Variants in ADAMTS16 observed in about 807,000 individuals in gnomAD.
ADAMTS16 encodes the protein A disintegrin and metalloproteinase with thrombospondin motifs 16.
In ADAMTS16, 94 loss-of-function variants were observed where a neutral mutation model predicts 145.8. The ratio of observed to expected loss-of-function variants is 0.64; its 90% CI spans 0.55 to 0.77. ADAMTS16 has a LOEUF of 0.77. Ranked by LOEUF, ADAMTS16 falls within the 30% of genes least tolerant of loss-of-function variation. The probability of loss-of-function intolerance (pLI) is 0.00; values close to 1 mark genes in which losing one functional copy is unlikely to be tolerated. For missense variants in ADAMTS16, 1,585 were observed against 1,591.5 expected, an observed-to-expected ratio of 1.00 and a Z score of 0.07; for synonymous variants, 659 against 604.3, an observed-to-expected ratio of 1.09 and a Z score of -1.33.
chr5:5,164,627 C>G (rs569441299), intron 3 of ADAMTS16, among the ~76,000 whole-genome samples: 1 of 152,280 alleles, frequency 6.6e-6, no homozygotes, highest in South Asian at 2.1e-4. Flanking sequence ...CTGGGCTCAC[C>G]GTGTCCTGGT....
Position 5,239,783 on chromosome 5 carries a change from G to A in ADAMTS16, c.2381G>A (p.Arg794Lys), listed in dbSNP as rs747015117. The A allele has an allele frequency of 6.2e-7, 1 of 1,614,144 alleles. No individual in the cohort carries two copies. The highest frequency in any genetic ancestry group is 1.7e-5 in the Admixed American group (1 of 60,012). ...SYISVRNALR[R>K]YYLNGHWTVD... Reference sequence around the variant, plus strand: ...ATTTCTGTGCGCAATGCCCTCAGAAGGTACTACCTGAATGGGCACTGGACC... The same window carrying A: ...ATTTCTGTGCGCAATGCCCTCAGAAAGTACTACCTGAATGGGCACTGGACC... Residue 794 changes from arginine (R) to lysine (K), a missense_variant, in exon 16 of 23, where the codon AGG becomes AAG. Physicochemically the swap from Arg to Lys is conservative, Grantham distance 26. Coordinates refer to ENST00000274181, the MANE Select transcript of ADAMTS16 (RefSeq NM_139056.4).
chr5:5,263,969 G>T (rs763297323), intron 18 of ADAMTS16, among the ~76,000 whole-genome samples: 1 of 152,154 alleles, frequency 6.6e-6, no homozygotes, highest in Non-Finnish European at 1.5e-5. Flanking sequence ...ATAGCTCTCA[G>T]CAGAGAGGGT....
At position 5,278,291 on chromosome 5, in the gene ADAMTS16, T is replaced by C. The variant is rs181081392; in HGVS notation, c.2789+15508T>C. On this transcript the variant is annotated intron_variant, in intron 18 of 22. Coordinates refer to ENST00000274181, the MANE Select transcript of ADAMTS16 (RefSeq NM_139056.4). ...TGATATTTGGAAATAACATGCATGA[T>C]AGCCGGTTTCTATTTATTGATTTTA... Among the ~76,000 whole-genome samples the C allele has an allele frequency of 6.6e-5, 10 of 152,324 alleles. No individual in the cohort carries two copies. In the East Asian group the frequency reaches 1.7e-3, roughly 26 times the overall value.
At chr5:5,231,770 A>G (rs1269291876) in intron 11 of ADAMTS16, among the ~76,000 whole-genome samples, 1 of 152,246 alleles carries the variant, frequency 6.6e-6, no homozygotes, top group Non-Finnish European at 1.5e-5. Flanking sequence ...GGGAAGAGAT[A>G]GCATCTCCAG....
At position 5,303,631 on chromosome 5, in the gene ADAMTS16, C is replaced by G; in HGVS notation, c.3051C>G (p.Asn1017Lys). 1 of 1,614,144 alleles carries G rather than the reference C, an allele frequency of 6.2e-7. No homozygotes were observed. The highest frequency in any genetic ancestry group is 8.5e-7 in the Non-Finnish European group (1 of 1,180,040). The change falls in exon 20 of 23, where the codon AAC becomes AAG. Residue 1017 changes from asparagine to lysine, a missense_variant. Physicochemically the swap from Asn to Lys is moderately conservative, Grantham distance 94. Coordinates refer to ENST00000274181, the MANE Select transcript of ADAMTS16 (RefSeq NM_139056.4). ...GGGCAGTGGCCTGTAAGAGCACCAACCCCTCGGCCAGAGCGCAGCTGCTGC... is the reference window on the plus strand; with the variant it reads ...GGGCAGTGGCCTGTAAGAGCACCAAGCCCTCGGCCAGAGCGCAGCTGCTGC... ...RKRAVACKST[N>K]PSARAQLLPD...
chr5:5,318,477 T>C (rs1312216284), intron 22 of ADAMTS16, among the ~76,000 whole-genome samples, 196 bp downstream of exon 22: 4 of 152,292 alleles, frequency 2.6e-5, no homozygotes, highest in East Asian at 1.9e-4. Context: ...CAGGACAACA[T>C]AGATGGTAGT....
intron 17 of ADAMTS16, among the ~76,000 whole-genome samples, chr5:5,261,709 C>T (rs895707624): frequency 6.6e-6 from 1 of 152,136 alleles, no homozygotes; most frequent in African/African-American, 2.4e-5. Context: ...TGGCCTCAAT[C>T]CCCTGACCTC....
At position 5,192,822 on chromosome 5, in the gene ADAMTS16, T is replaced by C. The variant is rs368937627; in HGVS notation, c.1313+1032T>C. ...AATAATTCTGTGAGCTGCTTTACCT[T>C]GAAGTATCGTCTGTTAAATAAAAAA... On this transcript the variant is annotated intron_variant, in intron 8 of 22. Transcript: ENST00000274181. 7.7e-4 allele frequency among the ~76,000 whole-genome samples: 118 copies of C among 152,326 alleles called. 1 individual carries two copies. The highest frequency in any genetic ancestry group is 2.7e-3 in the African/African-American group (113 of 41,570).
intron 17 of ADAMTS16, among the ~76,000 whole-genome samples, chr5:5,243,932 C>T (rs1737367247): frequency 6.6e-6 from 1 of 152,182 alleles, no homozygotes; most frequent in Non-Finnish European, 1.5e-5. Flanking sequence ...TGGGGGAAAT[C>T]AACCCAAAAT....
intron 17 of ADAMTS16, among the ~76,000 whole-genome samples, chr5:5,248,145 G>A (rs71596746): frequency 0.03 from 4,623 of 152,272 alleles, 98 homozygotes; most frequent in East Asian, 0.076. Context: ...TACAGAATTC[G>A]TTTGATTTTT....
At chr5:5,181,737 T>C (rs1335301666) in intron 3 of ADAMTS16, among the ~76,000 whole-genome samples, 4 of 152,210 alleles carry the variant, frequency 2.6e-5, no homozygotes, top group Non-Finnish European at 5.9e-5. Context: ...ACTTTTGGTG[T>C]AAATTAACTG....
chr5:5,244,046 T>A (rs1053904215), intron 17 of ADAMTS16, among the ~76,000 whole-genome samples: 2 of 152,220 alleles, frequency 1.3e-5, no homozygotes, highest in Non-Finnish European at 2.9e-5. Flanking sequence ...AACAGCGGGA[T>A]GGAGTACAGG....
At chr5:5,299,803 C>G (rs1392101135) in intron 18 of ADAMTS16, among the ~76,000 whole-genome samples, 2 of 152,190 alleles carry the variant, frequency 1.3e-5, no homozygotes, top group African/African-American at 4.8e-5. Flanking sequence ...TTGCATTCTT[C>G]CAGTTGGTGG....
chr5:5,262,004 TA>T (rs1738052854), intron 17 of ADAMTS16, among the ~76,000 whole-genome samples: 1 of 152,228 alleles, frequency 6.6e-6, no homozygotes, highest in African/African-American at 2.4e-5. Flanking sequence ...GTACCTCACT[TA>T]AGTTAAAATC....
intron 3 of ADAMTS16, among the ~76,000 whole-genome samples, chr5:5,176,374 G>A (rs1024039904): frequency 2.0e-5 from 3 of 152,182 alleles, no homozygotes; most frequent in African/African-American, 7.2e-5. Flanking sequence ...AGCCAGGGAT[G>A]GAGGAAGTCA....
chr5:5,169,293 C>T (rs1432277190), intron 3 of ADAMTS16, among the ~76,000 whole-genome samples: 1 of 152,198 alleles, frequency 6.6e-6, no homozygotes, highest in Non-Finnish European at 1.5e-5. Flanking sequence ...CTTTGGAAAA[C>T]ATTCATGCTT....
chr5:5,311,288 G>A (rs574286331), intron 21 of ADAMTS16, among the ~76,000 whole-genome samples: 3 of 120,910 alleles, frequency 2.5e-5, no homozygotes, highest in Admixed American at 9.5e-5. Context: ...GACCAGGCGA[G>A]TTTGACATAG....
chr5:5,191,087 C>T (rs914803734), intron 7 of ADAMTS16, among the ~76,000 whole-genome samples: 1 of 152,192 alleles, frequency 6.6e-6, no homozygotes, highest in African/African-American at 2.4e-5. Flanking sequence ...GGGAAGAAAG[C>T]ACATCCTGTG....
At chr5:5,158,994 A>G (rs529226627) in intron 3 of ADAMTS16, among the ~76,000 whole-genome samples, 1 of 152,356 alleles carries the variant, frequency 6.6e-6, no homozygotes, top group East Asian at 1.9e-4. Flanking sequence ...CTGACACCCA[A>G]AGCCGAAAGG....
Sources: gnomAD v4.1 joint callset for allele counts (sites outside exome capture counted in the v4.1 genomes callset) on GRCh38, gnomAD v4.1.1 for gene constraint, MANE v1.5 for transcripts, NCBI Gene and HGNC (gene_info 2026-07-23, HGNC 2026-07-21) for gene names.